YAP1: variants seen among roughly 807,000 people sequenced by gnomAD.
The protein encoded by YAP1 is Yes1 associated transcriptional regulator.
A neutral mutation model predicts 56.9 loss-of-function variants in YAP1; 5 were observed. The observed-to-expected ratio is 0.09, with a 90% confidence interval of 0.05 to 0.18. YAP1 has a LOEUF of 0.18. Among genes scored for constraint, YAP1 ranks in the 10% least tolerant of loss-of-function variants. The probability of loss-of-function intolerance (pLI) is 1.00; values close to 1 mark genes in which losing one functional copy is unlikely to be tolerated. For missense variants in YAP1, 539 were observed against 651.8 expected (o/e 0.83, Z 1.88); for synonymous variants, 265 against 248.1 (o/e 1.07, Z -0.64).
intron 2 of YAP1, among the ~76,000 whole-genome samples, chr11:102,132,203 A>G (rs767013708): frequency 6.6e-6 from 1 of 152,232 alleles, no homozygotes; most frequent in African/African-American, 2.4e-5. Context: ...AGCATGGGTC[A>G]GATACTACTC....
At chr11:102,228,681 G>A (rs916653384) in intron 8 of YAP1, among the ~76,000 whole-genome samples, 2 of 137,892 alleles carry the variant, frequency 1.5e-5, no homozygotes, top group African/African-American at 5.2e-5. Flanking sequence ...CAGGGGTCTT[G>A]CAGGAGCTAA....
chr11:102,172,023 C>G (rs1411141954), intron 3 of YAP1, among the ~76,000 whole-genome samples: 1 of 151,908 alleles, frequency 6.6e-6, no homozygotes, highest in African/African-American at 2.4e-5. Flanking sequence ...AACCCCGTCT[C>G]TACTAAAAAT....
intron 2 of YAP1, among the ~76,000 whole-genome samples, chr11:102,119,259 A>G (rs917146925): frequency 3.9e-5 from 6 of 152,146 alleles, no homozygotes; most frequent in Non-Finnish European, 8.8e-5. Context: ...GGCAGAAGAA[A>G]AACAGTTGGA....
In YAP1 at chr11:102,134,775, TACTGCTC is replaced by T. The variant is rs368913665; in HGVS notation, c.572+20387_572+20393del. On this transcript the variant is annotated intron_variant, in intron 2 of 8. Transcript: ENST00000282441. ...CCAGGTTGGAGTATAGTGGCCTGAT[TACTGCTC>T]ACTGCAGCCTTGACCTCCTGGGCTG... is the stretch of plus-strand genomic sequence containing the variant. Among the ~76,000 whole-genome samples the T allele has an allele frequency of 2.7e-3, 410 of 152,142 alleles. 1 individual carries two copies. Among genetic ancestry groups the T allele is most frequent in the African/African-American group, 9.4e-3 (390 of 41,512 alleles).
intron 4 of YAP1, 28 bp from the exon 5 acceptor site, chr11:102,205,865 A>G: frequency 6.8e-7 from 1 of 1,474,044 alleles, no homozygotes; most frequent in African/African-American, 1.4e-5. Context: ...GTTTTTTAGG[A>G]CAGATTTTTT....
intron 2 of YAP1, among the ~76,000 whole-genome samples, chr11:102,125,951 A>G (rs1010095961): frequency 1.3e-5 from 2 of 151,976 alleles, no homozygotes; most frequent in African/African-American, 2.4e-5. Flanking sequence ...ATCTCTAGCT[A>G]AGTCTGCCAG....
intron 4 of YAP1, among the ~76,000 whole-genome samples, chr11:102,202,302 G>A (rs561104216): frequency 2.0e-5 from 3 of 149,628 alleles, no homozygotes; most frequent in Admixed American, 2.0e-4. Context: ...TAGCTGGTAG[G>A]TACTACAGTC....
rs182500809 is a variant in YAP1, at chr11:102,153,957, T to A, written c.573-8499T>A. Among the ~76,000 whole-genome samples the A allele has an allele frequency of 1.8e-4, 28 of 152,280 alleles. No homozygotes were observed. The East Asian group carries it at 5.4e-3, about 29-fold the overall frequency. On this transcript the variant is annotated intron_variant, in intron 2 of 8. Coordinates refer to ENST00000282441, the MANE Select transcript of YAP1 (RefSeq NM_001130145.3). ...GCCTGCTAGCATGGGTCTCATAGAT[T>A]GAGGCAGTCTCTAAGTGATCATGTT...
intron 3 of YAP1, among the ~76,000 whole-genome samples, chr11:102,168,665 C>T (rs1946735807): frequency 6.6e-6 from 1 of 152,138 alleles, no homozygotes; most frequent in Non-Finnish European, 1.5e-5. Context: ...GAGGAATGTG[C>T]TAAGCACCTT....
At chr11:102,176,776 A>AAAAG (rs1947284993) in intron 3 of YAP1, among the ~76,000 whole-genome samples, 1 of 137,424 alleles carries the variant, frequency 7.3e-6, no homozygotes, top group African/African-American at 2.7e-5. Context: ...AAAAAAAAAA[A>AAAAG]GAGTAGAATT....
chr11:102,180,945 G>T (rs1294152656), intron 3 of YAP1, among the ~76,000 whole-genome samples: 2 of 151,762 alleles, frequency 1.3e-5, no homozygotes, highest in Non-Finnish European at 2.9e-5. Context: ...TCAGGATTTC[G>T]AGACCAGCCT....
intron 2 of YAP1, among the ~76,000 whole-genome samples, chr11:102,117,220 G>A (rs934865111): frequency 6.6e-6 from 1 of 152,042 alleles, no homozygotes; most frequent in Non-Finnish European, 1.5e-5. Flanking sequence ...TTTAAAATAG[G>A]GCTGTCTTTG....
chr11:102,133,811 G>C (rs185159383), intron 2 of YAP1, among the ~76,000 whole-genome samples: 162 of 152,274 alleles, frequency 1.1e-3, no homozygotes, highest in Non-Finnish European at 1.8e-3. Flanking sequence ...AAATAATACT[G>C]TAGACGGAGT....
chr11:102,128,271 C>G (rs187531279), intron 2 of YAP1, among the ~76,000 whole-genome samples: 1 of 152,142 alleles, frequency 6.6e-6, no homozygotes, highest in Non-Finnish European at 1.5e-5. Context: ...CCAGAATTCC[C>G]ACGTGTTGTG....
chr11:102,140,087 C>T (rs910700355), intron 2 of YAP1, among the ~76,000 whole-genome samples: 1 of 152,010 alleles, frequency 6.6e-6, no homozygotes. Context: ...TAGAACCTTT[C>T]CACTTTTTGG....
At chr11:102,140,797 C>G (rs567367832) in intron 2 of YAP1, among the ~76,000 whole-genome samples, 1 of 151,730 alleles carries the variant, frequency 6.6e-6, no homozygotes, top group Admixed American at 6.6e-5. Context: ...GAGCTGAGAT[C>G]GTGCTGTTTC....
At chr11:102,201,661 A>G (rs762578399) in intron 4 of YAP1, among the ~76,000 whole-genome samples, 26 of 152,290 alleles carry the variant, frequency 1.7e-4, no homozygotes, top group Middle Eastern at 6.8e-3. Flanking sequence ...ATAGAGGACA[A>G]TACATATTAA....
At chr11:102,148,429 C>A (rs1945444422) in intron 2 of YAP1, among the ~76,000 whole-genome samples, 1 of 152,058 alleles carries the variant, frequency 6.6e-6, no homozygotes, top group Non-Finnish European at 1.5e-5. Context: ...CTGAAAAAAA[C>A]AAGAGCTATG....
rs139179561 is a variant in YAP1, at chr11:102,114,177, A to G, written c.355A>G (p.Thr119Ala). The change falls in exon 2 of 9, where the codon ACT becomes GCT. Residue 119 changes from threonine to alanine, a missense_variant. Around this residue, in one of 4 missense-constraint regions of YAP1, gnomAD observed 414 missense variants for 512.4 expected, o/e 0.81. Coordinates refer to ENST00000282441, the MANE Select transcript of YAP1 (RefSeq NM_001130145.3). Reference protein sequence around the residue: ...STDAGTAGALTPQHVRAHSSP... With the variant: ...STDAGTAGALAPQHVRAHSSP... ...TGATGCAGGCACTGCAGGAGCCCTGACTCCACAGCATGTTCGAGCTCATTC... is the reference window on the plus strand; with the variant it reads ...TGATGCAGGCACTGCAGGAGCCCTGGCTCCACAGCATGTTCGAGCTCATTC... 42 of 1,613,706 alleles carry G rather than the reference A, an allele frequency of 2.6e-5. No homozygotes were observed. The African/African-American group carries it at 5.5e-4, about 21-fold the overall frequency.
Sources: gnomAD v4.1 joint callset for allele counts (sites outside exome capture counted in the v4.1 genomes callset) on GRCh38, gnomAD v4.1.1 for gene constraint, gnomAD v4.1.1 regional missense constraint, MANE v1.5 for transcripts, NCBI Gene and HGNC (gene_info 2026-07-23, HGNC 2026-07-21) for gene names.